The following SPG11 variants were observed in gnomAD, a reference collection of about 807,000 sequenced individuals.
The protein encoded by SPG11 is SPG11 vesicle trafficking associated, spatacsin.
SPG11 carries 222 observed loss-of-function variants against 274.0 expected under a neutral mutation model. That is an observed-to-expected ratio of 0.81 (90% CI 0.73 to 0.91). The LOEUF is 0.91. SPG11 is among the 40% of genes least tolerant of loss of function. The pLI is 0.00. For synonymous variants in SPG11, 1,144 were observed against 1,039.7 expected, an observed-to-expected ratio of 1.10 and a Z score of -1.93; for missense variants, 3,114 against 2,872.7, an observed-to-expected ratio of 1.08 and a Z score of -1.92.
chr15:44,593,420 AC>A (rs2082952343), intron 26 of SPG11, among the ~76,000 whole-genome samples: 1 of 151,978 alleles, frequency 6.6e-6, no homozygotes, highest in African/African-American at 2.4e-5. Context: ...GAACTCTTGG[AC>A]TCAAGTGATC....
intron 7 of SPG11, among the ~76,000 whole-genome samples, chr15:44,644,381 T>C (rs145326144): frequency 0.018 from 2,745 of 152,242 alleles, 34 homozygotes; most frequent in Middle Eastern, 0.038. Flanking sequence ...CATCCCTTCA[T>C]GTTAAAAACC....
chr15:44,613,549 C>G lies in SPG11; in HGVS notation c.3039-13G>C. On this transcript the variant is annotated splice_polypyrimidine_tract_variant and intron_variant, in intron 16 of 39. Transcript: ENST00000261866. ...TTCAGGACTAAGTCTGTATATAAAACAAACAAAAACCTTCTTTGATTAACA... is the reference window on the plus strand; with the variant it reads ...TTCAGGACTAAGTCTGTATATAAAAGAAACAAAAACCTTCTTTGATTAACA... The G allele has an allele frequency of 6.5e-7, 1 of 1,541,700 alleles. No homozygotes were observed. Among genetic ancestry groups the G allele is most frequent in the African/African-American group, 1.4e-5 (1 of 73,386 alleles).
intron 36 of SPG11, 111 bp downstream of exon 36, chr15:44,567,313 T>C: frequency 8.3e-6 from 10 of 1,207,466 alleles, no homozygotes; most frequent in Non-Finnish European, 1.2e-5. Flanking sequence ...ATCGTGCCAC[T>C]GCACTCCAGC....
At chr15:44,641,041 A>G (rs1216519601) in intron 7 of SPG11, among the ~76,000 whole-genome samples, 2 of 152,202 alleles carry the variant, frequency 1.3e-5, no homozygotes, top group African/African-American at 4.8e-5. Context: ...ACTTTTCAAA[A>G]AAGTGCTCAG....
intron 34 of SPG11, among the ~76,000 whole-genome samples, chr15:44,569,951 G>A (rs1023313132): frequency 4.6e-5 from 7 of 152,142 alleles, no homozygotes; most frequent in African/African-American, 1.7e-4. Flanking sequence ...CAGGCAATCC[G>A]CCTGCCTCGG....
In SPG11 at chr15:44,653,892, C is replaced by G. The variant is rs939615307; in HGVS notation, c.870-1626G>C. On this transcript the variant is annotated intron_variant, in intron 4 of 39. Coordinates refer to ENST00000261866, the MANE Select transcript of SPG11 (RefSeq NM_025137.4). ...ATATGATTTTTTTTTTCCAAAAATA[C>G]ATTGGAAAAATTTGTAAAGATTTGC... Among the ~76,000 whole-genome samples the G allele has an allele frequency of 3.3e-5, 5 of 152,004 alleles. No individual in the cohort carries two copies. In the East Asian group the frequency reaches 9.7e-4, roughly 29 times the overall value.
At chr15:44,573,469 G>A (rs1171345058) in intron 32 of SPG11, 78 bp downstream of exon 32, 14 of 1,481,928 alleles carry the variant, frequency 9.4e-6, no homozygotes, top group Non-Finnish European at 1.1e-5. Flanking sequence ...ATGTATATAA[G>A]CACAACATCC....
chr15:44,661,433 T>C (rs1485849808), intron 1 of SPG11, among the ~76,000 whole-genome samples: 1 of 152,124 alleles, frequency 6.6e-6, no homozygotes, highest in African/African-American at 2.4e-5. Flanking sequence ...TTAAGAAACT[T>C]GCTTCTACAG....
At chr15:44,660,654 C>A (rs200637027) in intron 1 of SPG11, 38 bp from the exon 2 acceptor site, 1 of 1,591,168 alleles carries the variant, frequency 6.3e-7, no homozygotes, top group South Asian at 1.1e-5. Flanking sequence ...ATTCTATATC[C>A]GCAATAATAT....
intron 2 of SPG11, among the ~76,000 whole-genome samples, chr15:44,660,191 C>A (rs2085062518): frequency 6.6e-6 from 1 of 152,040 alleles, no homozygotes. Context: ...TAATTAAATA[C>A]AAAAAATTGA....
intron 35 of SPG11, 97 bp from the exon 36 acceptor site, chr15:44,567,689 C>G: frequency 7.6e-7 from 1 of 1,317,192 alleles, no homozygotes; most frequent in Non-Finnish European, 1.1e-6. Context: ...CTTAAAAACT[C>G]CCAAGAAGAA....
Position 44,563,136 on chromosome 15 carries a change from G to A in SPG11, c.7317C>T (p.Asp2439=), listed in dbSNP as rs1445433088. 1 of 1,614,018 alleles carries A rather than the reference G, an allele frequency of 6.2e-7. No individual in the cohort carries two copies. Among genetic ancestry groups the A allele is most frequent in the Non-Finnish European group, 8.5e-7 (1 of 1,180,014 alleles). Reference sequence around the variant, plus strand: ...ATGAAATCATCTAACCTGCTAGCATGTCCTTTAGACAGCAACCTGTCTGAG... The same window carrying A: ...ATGAAATCATCTAACCTGCTAGCATATCCTTTAGACAGCAACCTGTCTGAG... The part of the protein sequence containing the change: ...KDPQTGCCLK[D]MLAG Residue 2439 remains aspartate, a synonymous_variant, in exon 40 of 40, where the codon GAC becomes GAT. Transcript: ENST00000261866.
intron 24 of SPG11, 108 bp downstream of exon 24, chr15:44,596,676 A>C (rs1387239262): frequency 1.4e-6 from 1 of 713,208 alleles, no homozygotes; most frequent in African/African-American, 1.9e-5. Context: ...AAAAAAAAAA[A>C]AAAAAAAAAA....
chr15:44,564,533 CT>C lies in SPG11; in HGVS notation c.7151+13del. The C allele has an allele frequency of 6.2e-7, 1 of 1,612,970 alleles. No homozygotes were observed. Among genetic ancestry groups the C allele is most frequent in the Non-Finnish European group, 8.5e-7 (1 of 1,179,724 alleles). On this transcript the variant is annotated intron_variant, in intron 39 of 39. Transcript: ENST00000261866. ...GGCAAGGAGCAATGTTTACAGTCAA[CT>C]TTTAATACTTACTTTTTGGAAATCT... is the stretch of plus-strand genomic sequence containing the variant.
intron 35 of SPG11, among the ~76,000 whole-genome samples, chr15:44,569,100 G>A (rs987225136): frequency 2.6e-5 from 4 of 151,370 alleles, no homozygotes; most frequent in African/African-American, 9.7e-5. Flanking sequence ...AACCTGGGGG[G>A]CGGATGTTGC....
At chr15:44,579,102 G>A (rs1424031428) in intron 30 of SPG11, among the ~76,000 whole-genome samples, 1 of 151,988 alleles carries the variant, frequency 6.6e-6, no homozygotes, top group Non-Finnish European at 1.5e-5. Flanking sequence ...AGGTTGCAGT[G>A]AGCTGAGATT....
At chr15:44,582,008 T>C (rs556433054) in intron 30 of SPG11, among the ~76,000 whole-genome samples, 1 of 152,226 alleles carries the variant, frequency 6.6e-6, no homozygotes, top group Admixed American at 6.5e-5. Context: ...AATCACAAAA[T>C]GCTAAAACTC....
At chr15:44,615,926 A>G (rs1186466898) in intron 15 of SPG11, among the ~76,000 whole-genome samples, 1 of 152,228 alleles carries the variant, frequency 6.6e-6, no homozygotes, top group African/African-American at 2.4e-5. Context: ...AGATATCCAA[A>G]CAAAATCATC....
At chr15:44,624,423 CAAAG>C (rs575889144) in intron 11 of SPG11, among the ~76,000 whole-genome samples, 3 of 151,506 alleles carry the variant, frequency 2.0e-5, no homozygotes, top group Non-Finnish European at 4.4e-5. Flanking sequence ...ATAAGCCAGA[CAAAG>C]AAAGACAAAT....
Sources: gnomAD v4.1 joint callset for allele counts (sites outside exome capture counted in the v4.1 genomes callset) on GRCh38, gnomAD v4.1.1 for gene constraint, MANE v1.5 for transcripts, NCBI Gene and HGNC (gene_info 2026-07-23, HGNC 2026-07-21) for gene names.